Variants in OCA2 observed in about 807,000 individuals in gnomAD.
OCA2 encodes the protein P protein.
OCA2 carries 77 observed loss-of-function variants against 100.2 expected under a neutral mutation model. That is an observed-to-expected ratio of 0.77 (90% CI 0.64 to 0.93). OCA2 has a LOEUF of 0.93. Ranked by LOEUF, OCA2 falls within the 40% of genes least tolerant of loss-of-function variation. The pLI, the probability that OCA2 is intolerant of heterozygous loss-of-function variation, is 0.00. For missense variants in OCA2, 1,062 were observed against 1,089.1 expected (o/e 0.98, Z 0.35); for synonymous variants, 432 against 439.2 (o/e 0.98, Z 0.21).
intron 2 of OCA2, 116 bp from the exon 3 acceptor site, chr15:28,032,279 G>T: frequency 1.2e-6 from 1 of 852,244 alleles, no homozygotes. Context: ...ATCTTACAAG[G>T]AAATTTGCCT....
At position 27,825,057 on chromosome 15, in the gene OCA2, C is replaced by A. The variant is rs187391324; in HGVS notation, c.2432+19902G>T. On this transcript the variant is annotated intron_variant, in intron 23 of 23. Coordinates refer to ENST00000354638, the MANE Select transcript of OCA2 (RefSeq NM_000275.3). ...ATCTGTGACTTGAATAATGGGCAAT[C>A]GTTACATTATCATTACATGACAAAA... Among the ~76,000 whole-genome samples, 178 of 152,264 alleles carry A rather than the reference C, an allele frequency of 1.2e-3. 1 individual carries two copies. The highest frequency in any genetic ancestry group is 3.9e-3 in the African/African-American group (160 of 41,548).
At chr15:28,061,023 G>C (rs2043857502) in intron 2 of OCA2, among the ~76,000 whole-genome samples, 1 of 152,194 alleles carries the variant, frequency 6.6e-6, no homozygotes, top group African/African-American at 2.4e-5. Context: ...GGCAGCAACA[G>C]CCACTGGGGC....
At chr15:27,839,862 T>G (rs2035283302) in intron 23 of OCA2, among the ~76,000 whole-genome samples, 1 of 152,180 alleles carries the variant, frequency 6.6e-6, no homozygotes, top group Non-Finnish European at 1.5e-5. Context: ...ACATAAAATA[T>G]GATCAAATTT....
intron 23 of OCA2, among the ~76,000 whole-genome samples, chr15:27,794,746 C>T (rs149429814): frequency 2.7e-3 from 407 of 152,192 alleles, no homozygotes; most frequent in African/African-American, 9.4e-3. Context: ...TGTTCAGGTG[C>T]ATTCTCGTTG....
At chr15:28,024,557 G>T (rs947575161) in intron 5 of OCA2, among the ~76,000 whole-genome samples, 1 of 152,200 alleles carries the variant, frequency 6.6e-6, no homozygotes, top group Non-Finnish European at 1.5e-5. Context: ...AGCCACTCGA[G>T]GGGGAAGGGA....
At chr15:27,777,998 A>C (rs2032333006) in intron 23 of OCA2, among the ~76,000 whole-genome samples, 1 of 152,230 alleles carries the variant, frequency 6.6e-6, no homozygotes, top group Admixed American at 6.5e-5. Context: ...ACCACATTCT[A>C]CAATATTTTG....
At chr15:28,027,783 C>T (rs930653147) in intron 4 of OCA2, 88 bp downstream of exon 4, 4 of 1,362,970 alleles carry the variant, frequency 2.9e-6, no homozygotes, top group Non-Finnish European at 4.1e-6. Context: ...CTCTTCTTCA[C>T]GCTGCTGGTT....
intron 23 of OCA2, among the ~76,000 whole-genome samples, chr15:27,779,741 GA>G (rs2032438769): frequency 6.6e-6 from 1 of 152,136 alleles, no homozygotes; most frequent in Non-Finnish European, 1.5e-5. Flanking sequence ...TTTGATTGGG[GA>G]ATTTAAACCA....
At chr15:27,745,135 A>G in the OCA2 span, among the ~76,000 whole-genome samples, 15 of 152,332 alleles carry the variant, frequency 9.8e-5, no homozygotes, top group Admixed American at 8.5e-4. Context: ...CACAATGCAA[A>G]GCAAAAGCAA....
intron 14 of OCA2, 107 bp from the exon 15 acceptor site, chr15:27,966,929 A>C: frequency 8.1e-7 from 1 of 1,238,758 alleles, no homozygotes; most frequent in Non-Finnish European, 1.2e-6. Flanking sequence ...GGAGATGGAG[A>C]CCATCCTGGC....
chr15:28,096,237 C>CCTGGGGCGTGGTCGTGTCT (rs1293200810), intron 1 of OCA2, among the ~76,000 whole-genome samples: 2 of 150,046 alleles, frequency 1.3e-5, no homozygotes, highest in Non-Finnish European at 3.0e-5. Flanking sequence ...GGTTGTGTCT[C>CCTGGGGCGTGGTCGTGTCT]CTGGGGCGTG....
chr15:27,737,051 A>G, the OCA2 span, among the ~76,000 whole-genome samples: 3 of 152,228 alleles, frequency 2.0e-5, no homozygotes, highest in Non-Finnish European at 4.4e-5. Context: ...TGTTTATGTC[A>G]GCAATAATAA....
intron 1 of OCA2, among the ~76,000 whole-genome samples, chr15:28,083,452 G>A (rs867839800): frequency 2.0e-5 from 3 of 152,182 alleles, no homozygotes; most frequent in African/African-American, 7.2e-5. Flanking sequence ...GGCCATGTCG[G>A]CAGAATGTTC....
chr15:27,809,725 C>T (rs1042994559), intron 23 of OCA2, among the ~76,000 whole-genome samples: 2 of 152,092 alleles, frequency 1.3e-5, no homozygotes, highest in Non-Finnish European at 2.9e-5. Context: ...CCAATAACGA[C>T]CAAGCTAAGA....
At chr15:27,934,208 C>G (rs1339162306) in intron 18 of OCA2, among the ~76,000 whole-genome samples, 1 of 152,058 alleles carries the variant, frequency 6.6e-6, no homozygotes, top group South Asian at 2.1e-4. Flanking sequence ...TGTCATTTAG[C>G]ATGTGAAGGG....
intron 19 of OCA2, among the ~76,000 whole-genome samples, chr15:27,923,807 T>C (rs1166207770): frequency 6.6e-6 from 1 of 152,194 alleles, no homozygotes; most frequent in Non-Finnish European, 1.5e-5. Flanking sequence ...TTTCCCATTC[T>C]GTAGATTGTT....
chr15:27,850,546 C>T (rs767609189), intron 22 of OCA2, among the ~76,000 whole-genome samples: 17 of 152,110 alleles, frequency 1.1e-4, no homozygotes, highest in Non-Finnish European at 1.9e-4. Context: ...CTCGGAAGAA[C>T]TTGAGGCATC....
At chr15:27,753,598 G>A (rs968411528), downstream of OCA2, among the ~76,000 whole-genome samples, 3 of 151,944 alleles carry the variant, frequency 2.0e-5, no homozygotes, top group African/African-American at 7.3e-5. Flanking sequence ...TTAGCCAGGC[G>A]TGGTGGCGGG....
intron 23 of OCA2, among the ~76,000 whole-genome samples, chr15:27,823,395 CCGATTATAG>C (rs1206986061): frequency 2.7e-5 from 3 of 110,758 alleles, no homozygotes; most frequent in South Asian, 1.0e-3. Context: ...AAGTCATATG[CCGATTATAG>C]TGATTATGTT....
Sources: allele counts gnomAD v4.1 joint callset (sites outside exome capture counted in the v4.1 genomes callset), GRCh38; gene constraint gnomAD v4.1.1; transcripts MANE v1.5; gene names NCBI Gene and HGNC (gene_info 2026-07-23, HGNC 2026-07-21).